Variants in PTGES3 observed in about 807,000 individuals in gnomAD.
PTGES3 encodes Hsp90 co-chaperone.
A neutral mutation model predicts 29.9 loss-of-function variants in PTGES3; 5 were observed. The observed-to-expected ratio is 0.17, with a 90% CI of 0.09 to 0.35. PTGES3 has a LOEUF of 0.35. PTGES3 is among the 10% of genes least tolerant of loss of function. The pLI is 1.00. For missense variants in PTGES3, 128 were observed against 190.0 expected (o/e 0.67, Z 1.92); for synonymous variants, 49 against 57.8 (o/e 0.85, Z 0.69).
intron 5 of PTGES3, 146 bp downstream of exon 5, chr12:56,670,129 T>A (rs1951946954): frequency 1.7e-6 from 1 of 586,792 alleles, no homozygotes; most frequent in Non-Finnish European, 3.1e-6. Context: ...ATTGTTAACA[T>A]CTATTTACTA....
intron 5 of PTGES3, among the ~76,000 whole-genome samples, chr12:56,668,397 A>C (rs1322910650): frequency 6.6e-6 from 1 of 152,204 alleles, no homozygotes; most frequent in African/African-American, 2.4e-5. Flanking sequence ...TAACAACAAA[A>C]ACTGGACAAC....
chr12:56,666,259 T>G lies in PTGES3; in HGVS notation c.383A>C (p.Asn128Thr). 6.2e-7 allele frequency: 1 copy of G among 1,605,862 alleles called. No individual in the cohort carries two copies. The highest frequency in any genetic ancestry group is 8.5e-7 in the Non-Finnish European group (1 of 1,173,920). The change falls in exon 6 of 8, where the codon AAC becomes ACC. Residue 128 changes from asparagine to threonine, a missense_variant. By Grantham distance (65) the Asn-to-Thr change is moderately conservative. Coordinates refer to ENST00000262033, the MANE Select transcript of PTGES3 (RefSeq NM_006601.7). ...TACATCCTCATCACCACCCATGTTG[T>G]TCATCATCTATTTGAAGTGTAAAAA... ...SNFDRFSEMM[N>T]NMGGDEDVDL...
intron 1 of PTGES3, among the ~76,000 whole-genome samples, chr12:56,683,969 AAAC>A (rs1325591643): frequency 2.1e-5 from 3 of 145,800 alleles, no homozygotes; most frequent in Non-Finnish European, 4.7e-5. Context: ...AAAAAAAAAA[AAAC>A]AAAAAAAACA....
intron 1 of PTGES3, among the ~76,000 whole-genome samples, chr12:56,673,789 CAAAAAAAA>C (rs57371154): frequency 3.2e-5 from 3 of 92,382 alleles, no homozygotes; most frequent in Non-Finnish European, 4.3e-5. Flanking sequence ...GAGACTGTCT[CAAAAAAAA>C]AAAAAAAAAA....
At chr12:56,680,127 A>T (rs1952459600) in intron 1 of PTGES3, among the ~76,000 whole-genome samples, 1 of 148,188 alleles carries the variant, frequency 6.7e-6, no homozygotes, top group Non-Finnish European at 1.5e-5. Flanking sequence ...GCTGGAGTGC[A>T]ATGGCGCGAT....
chr12:56,664,365 A>G lies in PTGES3; in HGVS notation c.*114T>C, dbSNP rs144657760. On this transcript the variant is annotated 3_prime_UTR_variant, in exon 8 of 8. Transcript: ENST00000262033. The stretch of plus-strand genomic sequence containing the variant: ...AACAGGTTGAAAAATGGGTTAAAGT[A>G]GGCAAATACAGCATATCTGCCTTTA... The G allele has an allele frequency of 0.057, 70,321 of 1,244,088 alleles. 2,234 individuals carry two copies. Among genetic ancestry groups the G allele is most frequent in the African/African-American group, 0.09 (5,936 of 65,938 alleles). The allele number at this position is 1,244,088 out of a possible 1,614,324, so 77.1% of individuals were successfully genotyped here. A position where few individuals can be genotyped will look rare whatever the true frequency, so the allele number is the denominator to read the frequency against.
chr12:56,683,555 G>A (rs975189368), intron 1 of PTGES3, among the ~76,000 whole-genome samples: 5 of 150,200 alleles, frequency 3.3e-5, no homozygotes, highest in South Asian at 2.1e-4. Context: ...GGAAGCTGAG[G>A]CAGAGAACTA....
intron 5 of PTGES3, among the ~76,000 whole-genome samples, chr12:56,668,135 A>G (rs1219931244): frequency 1.3e-5 from 2 of 152,200 alleles, no homozygotes; most frequent in Admixed American, 1.3e-4. Flanking sequence ...AGTCTGTTAA[A>G]AGAGTAGATT....
At chr12:56,670,253 A>C in intron 5 of PTGES3, 22 bp downstream of exon 5, 1 of 1,509,768 alleles carries the variant, frequency 6.6e-7, no homozygotes, top group Non-Finnish European at 9.2e-7. Context: ...GAATGGGGAG[A>C]GGTCCATTTA....
intron 1 of PTGES3, among the ~76,000 whole-genome samples, chr12:56,674,316 G>A (rs1473137757): frequency 2.0e-5 from 3 of 152,144 alleles, no homozygotes; most frequent in Non-Finnish European, 2.9e-5. Flanking sequence ...TGACACCTTC[G>A]CCTTGGATTT....
chr12:56,676,289 T>TA (rs1253699317), intron 1 of PTGES3, among the ~76,000 whole-genome samples: 1 of 151,428 alleles, frequency 6.6e-6, no homozygotes, highest in Non-Finnish European at 1.5e-5. Flanking sequence ...ACAGAAGGCT[T>TA]ATTTTTTTTC....
Position 56,672,756 on chromosome 12 carries a change from T to C in PTGES3, c.170A>G (p.His57Arg). The C allele has an allele frequency of 6.3e-7, 1 of 1,587,818 alleles. No homozygotes were observed. Among genetic ancestry groups the C allele is most frequent in the East Asian group, 2.2e-5 (1 of 44,474 alleles). The part of the protein sequence containing the change: ...FKHLNEIDLF[H>R]CIDPNDSKHK... ...ACTACTTACATTTGGATCAATACAGTGAAAAAGATCAATTTCATTTAAATG... is the reference window on the plus strand; with the variant it reads ...ACTACTTACATTTGGATCAATACAGCGAAAAAGATCAATTTCATTTAAATG... Residue 57 changes from histidine (H) to arginine (R), a missense_variant, in exon 3 of 8, where the codon CAC becomes CGC. Coordinates refer to ENST00000262033, the MANE Select transcript of PTGES3 (RefSeq NM_006601.7).
intron 1 of PTGES3, among the ~76,000 whole-genome samples, chr12:56,683,472 T>TAAAAAAAAAAA: frequency 1.6e-4 from 1 of 6,074 alleles, no homozygotes; most frequent in Non-Finnish European, 2.7e-4. Context: ...AAACTCTGTC[T>TAAAAAAAAAAA]CAAAAAAAAA....
chr12:56,682,981 G>A (rs996152824), intron 1 of PTGES3, among the ~76,000 whole-genome samples: 1 of 150,882 alleles, frequency 6.6e-6, no homozygotes, highest in Non-Finnish European at 1.5e-5. Flanking sequence ...GCAACAGAAT[G>A]AGACTCCGCC....
intron 1 of PTGES3, among the ~76,000 whole-genome samples, chr12:56,680,768 T>C (rs890481582): frequency 3.2e-5 from 4 of 125,050 alleles, no homozygotes; most frequent in Non-Finnish European, 6.4e-5. Context: ...CTTGTAGTTT[T>C]TGTTTTTTAA....
At position 56,664,086 on chromosome 12, in the gene PTGES3, T is replaced by C. The variant is rs536584681; in HGVS notation, c.*393A>G. The C allele has an allele frequency of 6.0e-6, 1 of 166,716 alleles. No homozygotes were observed. Among genetic ancestry groups the C allele is most frequent in the African/African-American group, 2.4e-5 (1 of 41,678 alleles). 10.3% of individuals were successfully genotyped at this position (166,716 alleles called of 1,614,324 possible). ...TTTGTTCCAGTCACTTTTGAATCCA[T>C]GTTCTATAATCTAAAATTTATTCTC... On this transcript the variant is annotated 3_prime_UTR_variant, in exon 8 of 8. Transcript: ENST00000262033.
intron 1 of PTGES3, among the ~76,000 whole-genome samples, chr12:56,682,996 G>C (rs1247298839): frequency 7.2e-6 from 1 of 139,794 alleles, no homozygotes; most frequent in Admixed American, 7.2e-5. Flanking sequence ...TCCGCCTCAA[G>C]AAAAAAAAAA....
At chr12:56,672,622 A>G (rs1181428710) in intron 3 of PTGES3, 118 bp downstream of exon 3, 1 of 1,175,292 alleles carries the variant, frequency 8.5e-7, no homozygotes, top group Admixed American at 3.4e-5. Context: ...AAATGTAAAT[A>G]TACATAGTTT....
rs1298148960 is a variant in PTGES3, at chr12:56,665,423, T to C, written c.439-623A>G. On this transcript the variant is annotated intron_variant, in intron 6 of 7. Coordinates refer to ENST00000262033, the MANE Select transcript of PTGES3 (RefSeq NM_006601.7). ...GATTCTCCTGCCTCAGCCTCCCAAGTAGCTGGGATTACAGGCACCCGCCAC... is the reference window on the plus strand; with the variant it reads ...GATTCTCCTGCCTCAGCCTCCCAAGCAGCTGGGATTACAGGCACCCGCCAC... 6 of 853,044 alleles carry C rather than the reference T, an allele frequency of 7.0e-6. No homozygotes were observed. The African/African-American group carries it at 7.4e-5, about 11-fold the overall frequency. The allele number at this position is 853,044 out of a possible 1,614,324, so 52.8% of individuals were successfully genotyped here. A position where few individuals can be genotyped will look rare whatever the true frequency, so the allele number is the denominator to read the frequency against.
Sources: allele counts gnomAD v4.1 joint callset (sites outside exome capture counted in the v4.1 genomes callset), GRCh38; gene constraint gnomAD v4.1.1; transcripts MANE v1.5; gene names NCBI Gene and HGNC (gene_info 2026-07-23, HGNC 2026-07-21).